The following NBEAL1 variants were observed in gnomAD, a reference collection of about 807,000 sequenced individuals.
The protein encoded by NBEAL1 is neurobeachin-like protein 1.
A neutral mutation model predicts 351.3 loss-of-function variants in NBEAL1; 273 were observed. The observed-to-expected ratio is 0.78, with a 90% CI of 0.70 to 0.86. NBEAL1 has a LOEUF of 0.86. NBEAL1 is among the 40% of genes least tolerant of loss of function. The probability of loss-of-function intolerance (pLI) is 0.00; values close to 1 mark genes in which losing one functional copy is unlikely to be tolerated. For missense variants in NBEAL1, 2,961 were observed against 3,201.3 expected, an observed-to-expected ratio of 0.92 and a Z score of 1.81; for synonymous variants, 1,050 against 1,086.4, an observed-to-expected ratio of 0.97 and a Z score of 0.66.
chr2:203,180,298 C>A, intron 42 of NBEAL1, 84 bp from the exon 43 acceptor site: 2 of 1,273,740 alleles, frequency 1.6e-6, no homozygotes, highest in Non-Finnish European at 1.1e-6. Flanking sequence ...CATTAGGAAC[C>A]CTGAAGGGAG....
chr2:203,027,549 A>T (rs531204322), intron 2 of NBEAL1, among the ~76,000 whole-genome samples: 1 of 152,320 alleles, frequency 6.6e-6, no homozygotes, highest in Non-Finnish European at 1.5e-5. Context: ...ATTTTTACTG[A>T]CACTGAACAT....
rs374422244 is a variant in NBEAL1 at position 203,078,403 on chromosome 2, G to C, written c.684+566G>C. 1.3e-5 allele frequency among the ~76,000 whole-genome samples: 2 copies of C among 152,086 alleles called. 1 individual carries two copies. On this transcript the variant is annotated intron_variant, in intron 8 of 55. Transcript: ENST00000683969. Reference sequence around the variant, plus strand: ...TTCCCAGGCTGGAGTGCAGAAGTGCGACTATTGGCTCACTGCAACCTCTGC... The same window carrying C: ...TTCCCAGGCTGGAGTGCAGAAGTGCCACTATTGGCTCACTGCAACCTCTGC...
At chr2:203,216,711 T>C (rs976597243) in intron 55 of NBEAL1, among the ~76,000 whole-genome samples, 7 of 152,206 alleles carry the variant, frequency 4.6e-5, no homozygotes, top group African/African-American at 1.4e-4. Flanking sequence ...AGGCCATTAA[T>C]TGTTTAAATG....
chr2:203,177,817 G>A lies in NBEAL1; in HGVS notation c.6464+2530G>A, dbSNP rs1379134355. ...GCAAATCACTTGAGGTCAGGCGTTCGAGACCAGTCTGGCAAACATGGTAAA... is the reference window on the plus strand; with the variant it reads ...GCAAATCACTTGAGGTCAGGCGTTCAAGACCAGTCTGGCAAACATGGTAAA... On this transcript the variant is annotated intron_variant, in intron 42 of 55. Transcript: ENST00000683969. 3.9e-5 allele frequency among the ~76,000 whole-genome samples: 6 copies of A among 152,154 alleles called. No homozygotes were observed. The South Asian group carries it at 1.2e-3, about 32-fold the overall frequency.
rs886105863 is a variant in NBEAL1 at position 203,148,893 on chromosome 2, A to G, written c.5305-98A>G. ...TACTTAGCTTCTTTCTCATAATGCA[A>G]GATTTTATTGGTCAAAAATTTTAAA... On this transcript the variant is annotated intron_variant, in intron 33 of 55. Coordinates refer to ENST00000683969, the MANE Select transcript of NBEAL1 (RefSeq NM_001378026.1). 5.4e-6 allele frequency: 6 copies of G among 1,105,744 alleles called. No individual in the cohort carries two copies. In the African/African-American group the frequency reaches 9.5e-5, roughly 17 times the overall value. The allele number at this position is 1,105,744 out of a possible 1,614,324, so 68.5% of individuals were successfully genotyped here.
rs1203059538 is a variant in NBEAL1 at position 203,144,210 on chromosome 2, CAAAAAAAAAA to C, written c.4849-377_4849-368del. On this transcript the variant is annotated intron_variant, in intron 31 of 55. Coordinates refer to ENST00000683969, the MANE Select transcript of NBEAL1 (RefSeq NM_001378026.1). ...CGGGCAACAGTGTGAGACTCCATCT[CAAAAAAAAAA>C]AAAAAAAAAAAAGATTTGGGTTCTC... Among the ~76,000 whole-genome samples, 20 of 52,966 alleles carry C rather than the reference CAAAAAAAAAA, an allele frequency of 3.8e-4. No individual in the cohort carries two copies. In the East Asian group the frequency reaches 0.013, roughly 35 times the overall value. The allele number at this position is 52,966 out of a possible 152,430, so 34.7% of individuals were successfully genotyped here.
chr2:203,189,689 A>G (rs540978936), intron 45 of NBEAL1, among the ~76,000 whole-genome samples: 9 of 151,900 alleles, frequency 5.9e-5, no homozygotes, highest in African/African-American at 2.2e-4. Flanking sequence ...CCCTGGCCCA[A>G]TAGAAACCTT....
chr2:203,049,953 A>C lies in NBEAL1; in HGVS notation c.283A>C (p.Lys95Gln). 1 of 1,553,026 alleles carries C rather than the reference A, an allele frequency of 6.4e-7. No homozygotes were observed. Among genetic ancestry groups the C allele is most frequent in the Non-Finnish European group, 8.7e-7 (1 of 1,147,258 alleles). ...GCAAGCCTTGTCAATTTTGCTTGTC[A>C]AGTTCTTCATTATTCTTTGCAGGTA... Reference protein sequence around the residue: ...QQQALSILLVKFFIILCRNLS... With the variant: ...QQQALSILLVQFFIILCRNLS... Residue 95 changes from lysine (K) to glutamine (Q), a missense_variant, in exon 4 of 56, where the codon AAG becomes CAG. Transcript: ENST00000683969.
rs540351875 is a variant in NBEAL1, at chr2:203,169,512, G to A, written c.5998-235G>A. On this transcript the variant is annotated intron_variant, in intron 38 of 55. Coordinates refer to ENST00000683969, the MANE Select transcript of NBEAL1 (RefSeq NM_001378026.1). The stretch of plus-strand genomic sequence containing the variant: ...TGTCCAGGAGTTTGAGATCAGCCTG[G>A]GCAACATGGTAAAACCCCATCTCTA... Among the ~76,000 whole-genome samples the A allele has an allele frequency of 4.0e-5, 6 of 151,520 alleles. No homozygotes were observed. In the East Asian group the frequency reaches 1.2e-3, roughly 29 times the overall value.
At chr2:203,065,984 A>G (rs1052191107) in intron 6 of NBEAL1, among the ~76,000 whole-genome samples, 1 of 152,218 alleles carries the variant, frequency 6.6e-6, no homozygotes, top group Admixed American at 6.5e-5. Context: ...TATTGAAAAC[A>G]TGCAGTACAA....
Position 203,047,582 on chromosome 2 carries a change from C to A in NBEAL1, c.144-2232C>A, listed in dbSNP as rs564797430. 8.5e-5 allele frequency among the ~76,000 whole-genome samples: 13 copies of A among 152,196 alleles called. No homozygotes were observed. The East Asian group carries it at 2.5e-3, about 29-fold the overall frequency. ...TCTCTCATTTCCCTGGAAATATTAACCTCTCTCTGCAGGTCCCTCTGCTGT... is the reference window on the plus strand; with the variant it reads ...TCTCTCATTTCCCTGGAAATATTAAACTCTCTCTGCAGGTCCCTCTGCTGT... On this transcript the variant is annotated intron_variant, in intron 3 of 55. Transcript: ENST00000683969.
rs375170268 is a variant in NBEAL1 at position 203,156,830 on chromosome 2, T to A, written c.5588-869T>A. On this transcript the variant is annotated intron_variant, in intron 35 of 55. Transcript: ENST00000683969. ...AATTATTTTTGCCATAAATGAAATG[T>A]CTTTATTCATCAAGTTAAGTATGTT... Among the ~76,000 whole-genome samples the A allele has an allele frequency of 3.9e-5, 6 of 152,354 alleles. No homozygotes were observed. The East Asian group carries it at 9.6e-4, about 24-fold the overall frequency.
chr2:203,108,256 GGAAAA>G, intron 14 of NBEAL1, 68 bp downstream of exon 14: 1 of 1,238,380 alleles, frequency 8.1e-7, no homozygotes, highest in Non-Finnish European at 1.1e-6. Flanking sequence ...TTCTTAAACA[GGAAAA>G]CTGTTTCCAA....
At chr2:203,177,039 T>G (rs1403771879) in intron 42 of NBEAL1, among the ~76,000 whole-genome samples, 1 of 150,890 alleles carries the variant, frequency 6.6e-6, no homozygotes, top group Non-Finnish European at 1.5e-5. Context: ...TAGTCCCAGC[T>G]ACTTGGGAGG....
intron 18 of NBEAL1, among the ~76,000 whole-genome samples, chr2:203,118,491 C>T (rs1389456659): frequency 6.6e-6 from 1 of 152,092 alleles, no homozygotes; most frequent in East Asian, 1.9e-4. Context: ...TTGTATCTTA[C>T]ACCTATTTTC....
rs150296233 is a variant in NBEAL1 at position 203,176,257 on chromosome 2, C to T, written c.6464+970C>T. Among the ~76,000 whole-genome samples the T allele has an allele frequency of 8.2e-5, 12 of 145,948 alleles. No individual in the cohort carries two copies. In the East Asian group the frequency reaches 1.2e-3, roughly 15 times the overall value. On this transcript the variant is annotated intron_variant, in intron 42 of 55. Coordinates refer to ENST00000683969, the MANE Select transcript of NBEAL1 (RefSeq NM_001378026.1). ...GGTGCAATCTCAGCTCACTGAGATG[C>T]GTGTGGTGTGGTATGGTGTGCCACC...
chr2:203,147,166 A>G (rs2063534687), intron 33 of NBEAL1, among the ~76,000 whole-genome samples: 1 of 152,184 alleles, frequency 6.6e-6, no homozygotes, highest in Non-Finnish European at 1.5e-5. Flanking sequence ...CTTAGCAAGT[A>G]TAGTAAGAAT....
chr2:203,024,270 A>G (rs1367795359), intron 2 of NBEAL1, among the ~76,000 whole-genome samples: 1 of 151,936 alleles, frequency 6.6e-6, no homozygotes, highest in Non-Finnish European at 1.5e-5. Context: ...CAAGAAAAGT[A>G]TTACGGTCCG....
chr2:203,082,015 TA>T (rs1448574221), intron 8 of NBEAL1, among the ~76,000 whole-genome samples: 1 of 152,160 alleles, frequency 6.6e-6, no homozygotes, highest in African/African-American at 2.4e-5. Flanking sequence ...AAAGCCTGAA[TA>T]GTTGAGGCTG....
Sources: gnomAD v4.1 joint callset for allele counts (sites outside exome capture counted in the v4.1 genomes callset) on GRCh38, gnomAD v4.1.1 for gene constraint, MANE v1.5 for transcripts, NCBI Gene and HGNC (gene_info 2026-07-23, HGNC 2026-07-21) for gene names.